Variants in UBE2E1 observed in about 807,000 individuals in gnomAD.
UBE2E1 encodes the protein ubiquitin-conjugating enzyme E2 E1.
In UBE2E1, 6 loss-of-function variants were observed where a neutral mutation model predicts 21.4. The ratio of observed to expected loss-of-function variants is 0.28; its 90% CI spans 0.15 to 0.55. UBE2E1 has a LOEUF of 0.55. Among genes scored for constraint, UBE2E1 ranks in the 20% least tolerant of loss-of-function variants. The probability of loss-of-function intolerance (pLI) is 0.93; values close to 1 mark genes in which losing one functional copy is unlikely to be tolerated. For missense variants in UBE2E1, 142 were observed against 236.5 expected, an observed-to-expected ratio of 0.60 and a Z score of 2.62; for synonymous variants, 87 against 82.7, an observed-to-expected ratio of 1.05 and a Z score of -0.28.
At chr3:23,880,188 G>T (rs917307802) in intron 3 of UBE2E1, among the ~76,000 whole-genome samples, 1 of 152,306 alleles carries the variant, frequency 6.6e-6, no homozygotes, top group South Asian at 2.1e-4. Context: ...TTCGAGACCA[G>T]CCTGGCCAAC....
chr3:23,872,597 G>T (rs1700827082), intron 3 of UBE2E1, among the ~76,000 whole-genome samples: 1 of 151,990 alleles, frequency 6.6e-6, no homozygotes, highest in African/African-American at 2.4e-5. Flanking sequence ...TGATTATATG[G>T]TTAACAGTTA....
Position 23,818,772 on chromosome 3 carries a change from A to G in UBE2E1, c.203+7262A>G, listed in dbSNP as rs147600089. On this transcript the variant is annotated intron_variant, in intron 3 of 5. Coordinates refer to ENST00000306627, the MANE Select transcript of UBE2E1 (RefSeq NM_003341.5). ...TGTTAAAGTGCACAAGATTGCTGAG[A>G]TTGGAGGAGGAAAGAATTGTGCTCT... Among the ~76,000 whole-genome samples the G allele has an allele frequency of 1.5e-3, 229 of 152,242 alleles. 1 individual carries two copies. The highest frequency in any genetic ancestry group is 3.4e-3 in the Middle Eastern group (1 of 294).
Position 23,808,514 on chromosome 3 carries a change from T to C in UBE2E1, c.152+1093T>C, listed in dbSNP as rs561398314. Among the ~76,000 whole-genome samples the C allele has an allele frequency of 1.3e-5, 2 of 152,276 alleles. No homozygotes were observed. Among genetic ancestry groups the C allele is most frequent in the South Asian group, 4.1e-4 (2 of 4,820 alleles). On this transcript the variant is annotated intron_variant, in intron 2 of 5. Transcript: ENST00000306627. The surrounding 1 kb of genome is among the most constrained non-coding windows in gnomAD (Gnocchi z 4.9). ...TGAGACTTTAGATCTCTCCACTGAGTAGTGAGCCTGGAAGTCAGGGTTTGA... is the reference window on the plus strand; with the variant it reads ...TGAGACTTTAGATCTCTCCACTGAGCAGTGAGCCTGGAAGTCAGGGTTTGA...
At chr3:23,889,067 A>G in intron 4 of UBE2E1, 45 bp from the exon 5 acceptor site, 1 of 1,547,538 alleles carries the variant, frequency 6.5e-7, no homozygotes, top group Non-Finnish European at 8.7e-7. Context: ...TTTAGTAACA[A>G]GTTTGTTTGC....
At chr3:23,811,686 C>T (rs1262340542) in intron 3 of UBE2E1, among the ~76,000 whole-genome samples, 176 bp downstream of exon 3, 1 of 152,190 alleles carries the variant, frequency 6.6e-6, no homozygotes, top group Non-Finnish European at 1.5e-5. Context: ...GAGCCTCTGA[C>T]AAGCTCAGTA....
At chr3:23,866,562 A>T (rs530045631) in intron 3 of UBE2E1, 25 of 152,184 alleles carry the variant, frequency 1.6e-4, no homozygotes, top group African/African-American at 5.1e-4. Flanking sequence ...TTCTCTTTGC[A>T]GCTTAGGGGC....
rs1170918383 is a variant in UBE2E1, at chr3:23,863,085, T to C, written c.204-24482T>C. ...AAAAAAAAAAAACTATTCCCAGCATTTTGCTCTCTAGTGGCAACTACTTGT... is the reference window on the plus strand; with the variant it reads ...AAAAAAAAAAAACTATTCCCAGCATCTTGCTCTCTAGTGGCAACTACTTGT... On this transcript the variant is annotated intron_variant, in intron 3 of 5. Coordinates refer to ENST00000306627, the MANE Select transcript of UBE2E1 (RefSeq NM_003341.5). The surrounding 1 kb of genome is among the most constrained non-coding windows in gnomAD (Gnocchi z 4.3). 6.6e-6 allele frequency among the ~76,000 whole-genome samples: 1 copy of C among 152,084 alleles called. No individual in the cohort carries two copies. Among genetic ancestry groups the C allele is most frequent in the Non-Finnish European group, 1.5e-5 (1 of 68,024 alleles).
intron 3 of UBE2E1, among the ~76,000 whole-genome samples, chr3:23,831,919 T>TGCCTGACTGAGCTCAGGTGATTC (rs1699875329): frequency 6.6e-6 from 1 of 152,040 alleles, no homozygotes; most frequent in African/African-American, 2.4e-5. Flanking sequence ...TGGTCTTGAA[T>TGCCTGACTGAGCTCAGGTGATTC]GCCTGACTGA....
At chr3:23,878,854 T>C (rs1489412251) in intron 3 of UBE2E1, 14 of 304,088 alleles carry the variant, frequency 4.6e-5, no homozygotes, top group African/African-American at 2.6e-4. Context: ...AATGTAATAC[T>C]AATAGAAATA....
chr3:23,842,663 C>T lies in UBE2E1; in HGVS notation c.203+31153C>T, dbSNP rs756106528. 3.9e-4 allele frequency among the ~76,000 whole-genome samples: 59 copies of T among 152,002 alleles called. No homozygotes were observed. The highest frequency in any genetic ancestry group is 1.2e-3 in the African/African-American group (51 of 41,372). On this transcript the variant is annotated intron_variant, in intron 3 of 5. Transcript: ENST00000306627. The surrounding 1 kb of genome is among the most constrained non-coding windows in gnomAD (Gnocchi z 4.6). ...CAACACTGAACAGCATTTTTTGTGA[C>T]GTAAAATCTCATTATCACAAATTAC...
rs1699693461 is a variant in UBE2E1, at chr3:23,823,741, T to C, written c.203+12231T>C. Among the ~76,000 whole-genome samples, 1 of 152,164 alleles carries C rather than the reference T, an allele frequency of 6.6e-6. No homozygotes were observed. Among genetic ancestry groups the C allele is most frequent in the Non-Finnish European group, 1.5e-5 (1 of 68,028 alleles). On this transcript the variant is annotated intron_variant, in intron 3 of 5. Coordinates refer to ENST00000306627, the MANE Select transcript of UBE2E1 (RefSeq NM_003341.5). The surrounding 1 kb of genome is among the most constrained non-coding windows in gnomAD (Gnocchi z 4.2). ...ATAACTTTCCTCTAACCTAAGTAAA[T>C]ATTTCAGAACCAACGTATGTTAAGT...
intron 3 of UBE2E1, among the ~76,000 whole-genome samples, chr3:23,825,500 G>C (rs895702763): frequency 3.3e-5 from 5 of 152,170 alleles, no homozygotes; most frequent in Non-Finnish European, 5.9e-5. Flanking sequence ...TTCATATAGA[G>C]GGAGGTACAA....
At position 23,842,198 on chromosome 3, in the gene UBE2E1, G is replaced by T. The variant is rs73825109; in HGVS notation, c.203+30688G>T. 0.011 allele frequency among the ~76,000 whole-genome samples: 1,130 copies of T among 104,282 alleles called. 36 individuals carry two copies. The highest frequency in any genetic ancestry group is 0.016 in the South Asian group (46 of 2,926). The allele number at this position is 104,282 out of a possible 152,430, so 68.4% of individuals were successfully genotyped here. A position where few individuals can be genotyped will look rare whatever the true frequency, so the allele number is the denominator to read the frequency against. Reference sequence around the variant, plus strand: ...TATGTCATGACCCAGTAAGTGAAGGGGTGTGTGTGTGTGTGTGTGTGTGTG... The same window carrying T: ...TATGTCATGACCCAGTAAGTGAAGGTGTGTGTGTGTGTGTGTGTGTGTGTG... On this transcript the variant is annotated intron_variant, in intron 3 of 5. Transcript: ENST00000306627. The surrounding 1 kb of genome is among the most constrained non-coding windows in gnomAD (Gnocchi z 4.6).
chr3:23,815,135 T>C (rs1167690130), intron 3 of UBE2E1, among the ~76,000 whole-genome samples: 1 of 152,142 alleles, frequency 6.6e-6, no homozygotes, highest in African/African-American at 2.4e-5. Flanking sequence ...CGTTCGACAC[T>C]ACACTCGGTT....
intron 3 of UBE2E1, among the ~76,000 whole-genome samples, chr3:23,812,206 T>C (rs186124643): frequency 6.8e-6 from 1 of 146,720 alleles, no homozygotes; most frequent in African/African-American, 2.6e-5. Context: ...TTGATGACTT[T>C]ACTAGATCAA....
intron 3 of UBE2E1, among the ~76,000 whole-genome samples, chr3:23,815,229 A>T (rs1699490446): frequency 6.6e-6 from 1 of 152,054 alleles, no homozygotes; most frequent in Non-Finnish European, 1.5e-5. Flanking sequence ...CCGTCCACCC[A>T]CTTTGCCCTT....
chr3:23,822,495 C>CA (rs34238656), intron 3 of UBE2E1, among the ~76,000 whole-genome samples: 1 of 151,524 alleles, frequency 6.6e-6, no homozygotes, highest in African/African-American at 2.4e-5. Context: ...CTTTCCTCAC[C>CA]AAAAAAAGTT....
rs527549769 is a variant in UBE2E1, at chr3:23,863,069, A to C, written c.204-24498A>C. Among the ~76,000 whole-genome samples, 898 of 144,256 alleles carry C rather than the reference A, an allele frequency of 6.2e-3. 16 individuals carry two copies. The highest frequency in any genetic ancestry group is 0.051 in the East Asian group (253 of 4,996). 94.6% of individuals were successfully genotyped at this position (144,256 alleles called of 152,430 possible). On this transcript the variant is annotated intron_variant, in intron 3 of 5. Coordinates refer to ENST00000306627, the MANE Select transcript of UBE2E1 (RefSeq NM_003341.5). The surrounding 1 kb of genome is among the most constrained non-coding windows in gnomAD (Gnocchi z 4.3). The stretch of plus-strand genomic sequence containing the variant: ...CTTTGTTTGTTAAAAAAAAAAAAAA[A>C]AACTATTCCCAGCATTTTGCTCTCT...
In UBE2E1 at chr3:23,810,516, C is replaced by G. The variant is rs1366844323; in HGVS notation, c.153-944C>G. On this transcript the variant is annotated intron_variant, in intron 2 of 5. Transcript: ENST00000306627. The surrounding 1 kb of genome is among the most constrained non-coding windows in gnomAD (Gnocchi z 5.8). ...AGACCCCGGGAAGTTAGAGGACGCC[C>G]GGGGAAAAGCAGGTCCGGGGAGGTG... 1.4e-5 allele frequency: 22 copies of G among 1,535,182 alleles called. No individual in the cohort carries two copies. The highest frequency in any genetic ancestry group is 1.9e-5 in the Non-Finnish European group (22 of 1,146,406).
Sources: gnomAD v4.1 joint callset for allele counts (sites outside exome capture counted in the v4.1 genomes callset) on GRCh38, gnomAD v4.1.1 for gene constraint, Gnocchi (gnomAD v3.1) non-coding constraint, MANE v1.5 for transcripts, NCBI Gene and HGNC (gene_info 2026-07-23, HGNC 2026-07-21) for gene names.